GRID2: variants seen among roughly 807,000 people sequenced by gnomAD.
GRID2 encodes glutamate ionotropic receptor delta type subunit 2.
In GRID2, 33 loss-of-function variants were observed where a neutral mutation model predicts 114.8. That is an observed-to-expected ratio of 0.29 (90% confidence interval 0.22 to 0.38). The LOEUF (loss-of-function observed/expected upper bound fraction) is 0.38. GRID2 is among the 10% of genes least tolerant of loss of function. GRID2 has a pLI of 1.00. For missense variants in GRID2, 1,184 were observed against 1,257.7 expected, an observed-to-expected ratio of 0.94 and a Z score of 0.89; for synonymous variants, 505 against 449.9, an observed-to-expected ratio of 1.12 and a Z score of -1.55.
At chr4:92,652,946 T>TTATAAATACA (rs1579772779) in intron 2 of GRID2, among the ~76,000 whole-genome samples, 3 of 74,912 alleles carry the variant, frequency 4.0e-5, no homozygotes, top group African/African-American at 1.4e-4. Flanking sequence ...AAACATATAT[T>TTATAAATACA]TATAAATATA....
intron 1 of GRID2, among the ~76,000 whole-genome samples, chr4:92,508,895 T>C (rs760062920): frequency 1.6e-4 from 24 of 151,790 alleles, no homozygotes; most frequent in Non-Finnish European, 3.2e-4. Context: ...GTAGTTGCTG[T>C]AGAGGTGTTG....
intron 14 of GRID2, among the ~76,000 whole-genome samples, chr4:93,672,889 A>G (rs2110070065): frequency 6.6e-6 from 1 of 152,324 alleles, no homozygotes; most frequent in East Asian, 1.9e-4. Flanking sequence ...AAGCCCTTTA[A>G]AAAAGTTGAA....
At chr4:93,228,129 GT>G (rs1423188833) in intron 7 of GRID2, among the ~76,000 whole-genome samples, 1 of 152,092 alleles carries the variant, frequency 6.6e-6, no homozygotes, top group East Asian at 1.9e-4. Flanking sequence ...ATTGGTACCA[GT>G]TTTCTCTCTT....
chr4:92,887,647 A>G (rs1746469908), intron 2 of GRID2, among the ~76,000 whole-genome samples: 1 of 152,234 alleles, frequency 6.6e-6, no homozygotes. Context: ...GGTCTACTGC[A>G]AAGTAGAGTA....
chr4:93,301,039 C>T (rs1754821259), intron 8 of GRID2, among the ~76,000 whole-genome samples: 1 of 152,200 alleles, frequency 6.6e-6, no homozygotes, highest in Non-Finnish European at 1.5e-5. Flanking sequence ...GGGCCTGACA[C>T]CGGGCTGCCT....
At chr4:92,598,388 G>A (rs1189542149) in intron 2 of GRID2, among the ~76,000 whole-genome samples, 1 of 151,736 alleles carries the variant, frequency 6.6e-6, no homozygotes, top group Non-Finnish European at 1.5e-5. Flanking sequence ...TCTTCTTTTT[G>A]CCCTCCCATT....
At chr4:93,725,293 T>A (rs924802802) in intron 14 of GRID2, among the ~76,000 whole-genome samples, 12 of 152,174 alleles carry the variant, frequency 7.9e-5, no homozygotes, top group South Asian at 2.1e-4. Flanking sequence ...TTCATCCATG[T>A]CCCTTCAAAG....
At chr4:93,708,529 G>T (rs1198107044) in intron 14 of GRID2, among the ~76,000 whole-genome samples, 1 of 151,602 alleles carries the variant, frequency 6.6e-6, no homozygotes, top group African/African-American at 2.4e-5. Context: ...TATATTTTTC[G>T]ATCTTTTTAT....
chr4:92,469,193 G>T (rs1386989439), intron 1 of GRID2, among the ~76,000 whole-genome samples: 5 of 151,982 alleles, frequency 3.3e-5, no homozygotes, highest in African/African-American at 1.2e-4. Context: ...CTTTCTTTTT[G>T]GAATTATTTT....
chr4:92,709,051 A>G (rs1735088373), intron 2 of GRID2, among the ~76,000 whole-genome samples: 1 of 152,212 alleles, frequency 6.6e-6, no homozygotes, highest in Admixed American at 6.5e-5. Context: ...GCAAAATAGA[A>G]GGAGCCTGAG....
intron 2 of GRID2, among the ~76,000 whole-genome samples, chr4:92,931,319 G>C (rs1307695662): frequency 1.3e-5 from 2 of 150,748 alleles, no homozygotes; most frequent in Admixed American, 1.3e-4. Context: ...GACTGGAAGA[G>C]AACTTCCACA....
intron 1 of GRID2, among the ~76,000 whole-genome samples, chr4:92,442,179 C>A (rs566000517): frequency 6.6e-6 from 1 of 151,358 alleles, no homozygotes; most frequent in Admixed American, 6.6e-5. Context: ...TGAAGCTTGG[C>A]GTCCGTGATG....
intron 1 of GRID2, among the ~76,000 whole-genome samples, chr4:92,551,937 G>T (rs185582005): frequency 1.3e-5 from 2 of 152,018 alleles, no homozygotes; most frequent in African/African-American, 4.8e-5. Flanking sequence ...AAAAAGAGCT[G>T]AGGAAAGTCA....
intron 14 of GRID2, among the ~76,000 whole-genome samples, chr4:93,631,483 G>A (rs904809454): frequency 6.6e-6 from 1 of 152,090 alleles, no homozygotes; most frequent in African/African-American, 2.4e-5. Flanking sequence ...TTTTGTCTTT[G>A]CAATAGTTTG....
At chr4:93,022,502 C>T (rs1351980851) in intron 2 of GRID2, among the ~76,000 whole-genome samples, 3 of 151,800 alleles carry the variant, frequency 2.0e-5, no homozygotes, top group South Asian at 4.2e-4. Flanking sequence ...TGTTTTAGAT[C>T]ATAAATCTTT....
intron 2 of GRID2, among the ~76,000 whole-genome samples, chr4:92,930,440 G>T (rs563674380): frequency 6.6e-6 from 1 of 151,152 alleles, no homozygotes; most frequent in South Asian, 2.1e-4. Flanking sequence ...ATTAAAGAAG[G>T]CTTAAATTTG....
chr4:93,097,854 GAAT>G (rs780334991), intron 3 of GRID2, among the ~76,000 whole-genome samples: 2 of 151,798 alleles, frequency 1.3e-5, no homozygotes, highest in Admixed American at 6.6e-5. Flanking sequence ...CCATTTTCTG[GAAT>G]AATATTAAAT....
At chr4:93,036,582 G>A (rs1290640934) in intron 2 of GRID2, among the ~76,000 whole-genome samples, 1 of 152,062 alleles carries the variant, frequency 6.6e-6, no homozygotes, top group Non-Finnish European at 1.5e-5. Context: ...TTTGCTAATA[G>A]TCATAAAAAG....
chr4:93,059,732 A>G (rs1003689339), intron 2 of GRID2, among the ~76,000 whole-genome samples: 1 of 152,126 alleles, frequency 6.6e-6, no homozygotes, highest in African/African-American at 2.4e-5. Context: ...TGCCATATAC[A>G]AAGATAAATG....
Sources: allele counts gnomAD v4.1 joint callset (sites outside exome capture counted in the v4.1 genomes callset), GRCh38; gene constraint gnomAD v4.1.1; transcripts MANE v1.5; gene names NCBI Gene and HGNC (gene_info 2026-07-23, HGNC 2026-07-21).